The following LINGO2 variants were observed in gnomAD, a reference collection of about 807,000 sequenced individuals.
LINGO2 encodes leucine-rich repeat and immunoglobulin-like domain-containing nogo receptor-interacting protein 2.
LINGO2 carries 14 observed loss-of-function variants against 30.6 expected under a neutral mutation model. That is an observed-to-expected ratio of 0.46 (90% CI 0.30 to 0.72). LINGO2 has a LOEUF of 0.72. LINGO2 is among the 30% of genes least tolerant of loss of function. The pLI is 0.07. For missense variants in LINGO2, 729 were observed against 751.7 expected, an observed-to-expected ratio of 0.97 and a Z score of 0.35; for synonymous variants, 317 against 288.5, an observed-to-expected ratio of 1.10 and a Z score of -1.00.
At chr9:27,961,185 T>G (rs1374330651) in intron 5 of LINGO2, among the ~76,000 whole-genome samples, 1 of 152,186 alleles carries the variant, frequency 6.6e-6, no homozygotes, top group Non-Finnish European at 1.5e-5. Flanking sequence ...GTAAGTGTTG[T>G]GAGCACATAT....
chr9:28,711,194 A>C, the LINGO2 span, among the ~76,000 whole-genome samples: 1 of 152,160 alleles, frequency 6.6e-6, no homozygotes, highest in African/African-American at 2.4e-5. Flanking sequence ...TTAGATTAAA[A>C]ATATATTTTT....
chr9:28,368,594 C>CTTTTCT (rs1820767235), intron 3 of LINGO2, among the ~76,000 whole-genome samples: 3 of 123,624 alleles, frequency 2.4e-5, no homozygotes, highest in African/African-American at 8.4e-5. Flanking sequence ...CTTTTCTTTT[C>CTTTTCT]TTTTTTTTTT....
chr9:28,030,169 G>A (rs986264940), intron 4 of LINGO2, among the ~76,000 whole-genome samples: 1 of 152,130 alleles, frequency 6.6e-6, no homozygotes, highest in Non-Finnish European at 1.5e-5. Flanking sequence ...ACACTGCACA[G>A]ACAAGTGCTT....
intron 3 of LINGO2, among the ~76,000 whole-genome samples, chr9:28,356,653 T>A (rs1258546751): frequency 2.0e-5 from 3 of 152,278 alleles, no homozygotes; most frequent in East Asian, 3.9e-4. Context: ...TAATCAAATG[T>A]TCTACCACCT....
the LINGO2 span, chr9:27,942,820 T>C: frequency 6.6e-6 from 1 of 152,156 alleles, no homozygotes; most frequent in African/African-American, 2.4e-5. Context: ...TATATGTATA[T>C]ATAAACAATA....
chr9:28,411,010 A>C (rs1472858286), intron 2 of LINGO2, among the ~76,000 whole-genome samples: 2 of 152,112 alleles, frequency 1.3e-5, no homozygotes, highest in East Asian at 1.9e-4. Context: ...AGTTACTAAG[A>C]ATTCACAGGT....
At chr9:28,255,600 C>T (rs894497923) in intron 4 of LINGO2, among the ~76,000 whole-genome samples, 2 of 152,016 alleles carry the variant, frequency 1.3e-5, no homozygotes, top group Non-Finnish European at 2.9e-5. Flanking sequence ...TTTATTATTA[C>T]GACTATTCAA....
chr9:27,991,704 C>T (rs556652603), intron 5 of LINGO2, among the ~76,000 whole-genome samples: 3 of 152,076 alleles, frequency 2.0e-5, no homozygotes, highest in African/African-American at 7.2e-5. Flanking sequence ...TTGCCACTAG[C>T]TGTTTCTCCC....
At chr9:28,231,644 C>T (rs1821359621) in intron 4 of LINGO2, among the ~76,000 whole-genome samples, 1 of 152,064 alleles carries the variant, frequency 6.6e-6, no homozygotes, top group Non-Finnish European at 1.5e-5. Context: ...AAAGGACATA[C>T]TCCCACATAG....
intron 4 of LINGO2, among the ~76,000 whole-genome samples, chr9:28,067,300 C>T (rs1389162226): frequency 1.3e-5 from 2 of 151,724 alleles, no homozygotes; most frequent in Non-Finnish European, 2.9e-5. Context: ...AAAATAGTTG[C>T]CAATAATAAT....
At chr9:28,249,584 A>C (rs906118352) in intron 4 of LINGO2, among the ~76,000 whole-genome samples, 9 of 152,144 alleles carry the variant, frequency 5.9e-5, no homozygotes, top group African/African-American at 2.2e-4. Context: ...TGATTGAGTA[A>C]TCAAATTCCA....
chr9:28,268,062 T>C (rs1341171865), intron 4 of LINGO2, among the ~76,000 whole-genome samples: 1 of 152,046 alleles, frequency 6.6e-6, no homozygotes, highest in African/African-American at 2.4e-5. Context: ...TCAGAGTTAT[T>C]TGTGCATACA....
At chr9:28,690,183 C>G in the LINGO2 span, among the ~76,000 whole-genome samples, 3 of 152,034 alleles carry the variant, frequency 2.0e-5, no homozygotes, top group African/African-American at 7.2e-5. Flanking sequence ...GCACACATTA[C>G]CTATGTAACA....
Position 28,118,335 on chromosome 9 carries a change from G to T in LINGO2, c.-86-105930C>A, listed in dbSNP as rs544111626. The stretch of plus-strand genomic sequence containing the variant: ...TGTCTTACTTCTAAATGAATAGCAG[G>T]TATTATTTAGATTGATTTGAACTTA... On this transcript the variant is annotated intron_variant, in intron 4 of 5. Transcript: ENST00000379992. 3.4e-4 allele frequency among the ~76,000 whole-genome samples: 51 copies of T among 152,164 alleles called. No individual in the cohort carries two copies. In the South Asian group the frequency reaches 0.011, roughly 32 times the overall value.
chr9:29,015,801 C>A, the LINGO2 span, among the ~76,000 whole-genome samples: 1 of 152,180 alleles, frequency 6.6e-6, no homozygotes, highest in Admixed American at 6.6e-5. Flanking sequence ...TAATTACCAT[C>A]TACTTTATTA....
intron 4 of LINGO2, among the ~76,000 whole-genome samples, chr9:28,088,386 C>T (rs1825975837): frequency 6.6e-6 from 1 of 151,984 alleles, no homozygotes; most frequent in Non-Finnish European, 1.5e-5. Flanking sequence ...TAGACTCTGG[C>T]CTTCATTGCC....
At chr9:27,941,510 T>C in the LINGO2 span, 1 of 152,214 alleles carries the variant, frequency 6.6e-6, no homozygotes, top group Non-Finnish European at 1.5e-5. Flanking sequence ...TTTGTGTGTT[T>C]ATTGCTTCCT....
At chr9:28,177,229 T>A (rs893580095) in intron 4 of LINGO2, among the ~76,000 whole-genome samples, 5 of 152,172 alleles carry the variant, frequency 3.3e-5, no homozygotes, top group African/African-American at 1.2e-4. Flanking sequence ...GATGGTTTTT[T>A]TGAGTAAATG....
At chr9:29,028,948 T>A in the LINGO2 span, among the ~76,000 whole-genome samples, 17 of 152,158 alleles carry the variant, frequency 1.1e-4, no homozygotes, top group Admixed American at 5.2e-4. Flanking sequence ...GATGAATTTT[T>A]TTTTTAGGTA....
Sources: allele counts gnomAD v4.1 joint callset (sites outside exome capture counted in the v4.1 genomes callset), GRCh38; gene constraint gnomAD v4.1.1; transcripts MANE v1.5; gene names NCBI Gene and HGNC (gene_info 2026-07-23, HGNC 2026-07-21).